Variants in LHFPL6 observed in about 807,000 individuals in gnomAD.
LHFPL6 encodes the protein LHFPL tetraspan subfamily member 6 protein.
Under a neutral mutation model 20.6 loss-of-function variants are expected in LHFPL6, and 9 were observed. The ratio of observed to expected loss-of-function variants is 0.44; its 90% CI spans 0.26 to 0.76. The LOEUF (loss-of-function observed/expected upper bound fraction) is 0.76. Ranked by LOEUF, LHFPL6 falls within the 30% of genes least tolerant of loss-of-function variation. The pLI is 0.20. For synonymous variants in LHFPL6, 105 were observed against 98.7 expected (o/e 1.06, Z -0.38); for missense variants, 218 against 253.5 (o/e 0.86, Z 0.95).
chr13:39,391,548 T>C (rs758964244), intron 2 of LHFPL6, among the ~76,000 whole-genome samples: 8 of 152,200 alleles, frequency 5.3e-5, no homozygotes, highest in Non-Finnish European at 1.0e-4. Flanking sequence ...TCAAACCTTA[T>C]ATATAATCAT....
intron 2 of LHFPL6, among the ~76,000 whole-genome samples, chr13:39,481,061 T>A (rs1254543156): frequency 6.6e-6 from 1 of 152,206 alleles, no homozygotes; most frequent in Non-Finnish European, 1.5e-5. Context: ...ATGGATTGGT[T>A]TTCCCCCTTA....
chr13:39,586,937 G>A (rs183652191), intron 2 of LHFPL6, among the ~76,000 whole-genome samples: 2 of 152,028 alleles, frequency 1.3e-5, no homozygotes, highest in Non-Finnish European at 2.9e-5. Context: ...TGGGTAGATC[G>A]CCTGAGGTCA....
At chr13:39,477,590 GC>G (rs1380273914) in intron 2 of LHFPL6, among the ~76,000 whole-genome samples, 2 of 152,078 alleles carry the variant, frequency 1.3e-5, no homozygotes, top group Non-Finnish European at 2.9e-5. Context: ...TAACCAAGGG[GC>G]ACTTTTAGAG....
intron 3 of LHFPL6, among the ~76,000 whole-genome samples, chr13:39,358,852 C>T (rs1162480186): frequency 6.6e-6 from 1 of 152,144 alleles, no homozygotes; most frequent in Non-Finnish European, 1.5e-5. Flanking sequence ...TACCATCTCA[C>T]ACCAGTCAGA....
At chr13:39,404,805 A>C (rs1258483540) in intron 2 of LHFPL6, among the ~76,000 whole-genome samples, 2 of 152,208 alleles carry the variant, frequency 1.3e-5, no homozygotes, top group Non-Finnish European at 2.9e-5. Context: ...TATGAGAGCC[A>C]AGACCTAGAC....
intron 2 of LHFPL6, among the ~76,000 whole-genome samples, chr13:39,475,538 AAATTGC>A (rs1873063808): frequency 6.6e-6 from 1 of 152,086 alleles, no homozygotes; most frequent in African/African-American, 2.4e-5. Flanking sequence ...ATGCCCACCA[AAATTGC>A]AAGGATGCTG....
chr13:39,438,357 T>C (rs914499989), intron 2 of LHFPL6, among the ~76,000 whole-genome samples: 2 of 152,156 alleles, frequency 1.3e-5, no homozygotes, highest in African/African-American at 2.4e-5. Context: ...CCACCTATGG[T>C]CATATGAGTA....
At chr13:39,441,263 G>C (rs1872124558) in intron 2 of LHFPL6, among the ~76,000 whole-genome samples, 1 of 148,202 alleles carries the variant, frequency 6.7e-6, no homozygotes, top group Non-Finnish European at 1.5e-5. Flanking sequence ...TGGTATTATA[G>C]GTGTGAGCCG....
rs144065284 is a variant in LHFPL6, at chr13:39,480,418, C to G, written c.386-101892G>C. On this transcript the variant is annotated intron_variant, in intron 2 of 3. Transcript: ENST00000379589. ...CATCTATTACTAAATTCCTCCTCAA[C>G]TGGCCCTGTCATTTGTTTACTGTTG... 2.7e-3 allele frequency among the ~76,000 whole-genome samples: 404 copies of G among 152,310 alleles called. 4 individuals carry two copies. The highest frequency in any genetic ancestry group is 0.02 in the South Asian group (98 of 4,826).
At chr13:39,386,901 C>A (rs973985045) in intron 2 of LHFPL6, among the ~76,000 whole-genome samples, 1 of 152,212 alleles carries the variant, frequency 6.6e-6, no homozygotes. Flanking sequence ...TTGACTGAGA[C>A]ACTCACTGCT....
intron 2 of LHFPL6, among the ~76,000 whole-genome samples, chr13:39,512,471 G>A (rs568971410): frequency 3.9e-5 from 6 of 151,912 alleles, no homozygotes; most frequent in South Asian, 2.1e-4. Flanking sequence ...GCATGGTGGC[G>A]GGCCCCTGTA....
At chr13:39,482,145 T>C (rs1422889746) in intron 2 of LHFPL6, among the ~76,000 whole-genome samples, 1 of 152,152 alleles carries the variant, frequency 6.6e-6, no homozygotes, top group African/African-American at 2.4e-5. Flanking sequence ...TGGAATCATA[T>C]AAAAAGTATA....
intron 2 of LHFPL6, among the ~76,000 whole-genome samples, chr13:39,557,189 G>A (rs1871331537): frequency 6.6e-6 from 1 of 152,202 alleles, no homozygotes; most frequent in South Asian, 2.1e-4. Context: ...AAACCCAGAA[G>A]CCTAGAAGGA....
intron 2 of LHFPL6, among the ~76,000 whole-genome samples, chr13:39,528,952 GAA>G (rs1870374950): frequency 6.6e-6 from 1 of 152,200 alleles, no homozygotes; most frequent in African/African-American, 2.4e-5. Context: ...TCAAAAGACA[GAA>G]AGATGGTTAA....
intron 2 of LHFPL6, among the ~76,000 whole-genome samples, chr13:39,442,586 C>T (rs1007414571): frequency 1.3e-5 from 2 of 152,146 alleles, no homozygotes; most frequent in African/African-American, 2.4e-5. Context: ...ATTCTGGGAA[C>T]GATTGCTGAT....
intron 2 of LHFPL6, among the ~76,000 whole-genome samples, chr13:39,487,711 A>G (rs1868771937): frequency 6.6e-6 from 1 of 152,230 alleles, no homozygotes; most frequent in Non-Finnish European, 1.5e-5. Context: ...TGACATTAAA[A>G]GAAATATGTT....
chr13:39,541,764 C>T (rs1038503758), intron 2 of LHFPL6, among the ~76,000 whole-genome samples: 1 of 152,070 alleles, frequency 6.6e-6, no homozygotes, highest in African/African-American at 2.4e-5. Flanking sequence ...TAGAACATTG[C>T]CTGACACGTA....
intron 2 of LHFPL6, among the ~76,000 whole-genome samples, chr13:39,599,679 T>C (rs982159186): frequency 8.5e-5 from 13 of 152,188 alleles, no homozygotes; most frequent in African/African-American, 3.1e-4. Context: ...CACAAAACTT[T>C]GCCACTTGCA....
intron 2 of LHFPL6, among the ~76,000 whole-genome samples, chr13:39,488,813 CATAG>C (rs1868812404): frequency 6.6e-6 from 1 of 152,112 alleles, no homozygotes; most frequent in Non-Finnish European, 1.5e-5. Context: ...AGATATTTAT[CATAG>C]ATAGCATAAG....
Sources: allele counts gnomAD v4.1 joint callset (sites outside exome capture counted in the v4.1 genomes callset), GRCh38; gene constraint gnomAD v4.1.1; transcripts MANE v1.5; gene names NCBI Gene and HGNC (gene_info 2026-07-23, HGNC 2026-07-21).